Variants in GCNT1 observed in about 807,000 individuals in gnomAD.
The protein encoded by GCNT1 is beta-1,3-galactosyl-O-glycosyl-glycoprotein beta-1,6-N-acetylglucosaminyltransferase.
A neutral mutation model predicts 26.2 loss-of-function variants in GCNT1; 16 were observed. That is an observed-to-expected ratio of 0.61 (90% CI 0.41 to 0.93). The LOEUF is 0.93. GCNT1 is among the 40% of genes least tolerant of loss of function. The probability of loss-of-function intolerance (pLI) is 0.00; values close to 1 mark genes in which losing one functional copy is unlikely to be tolerated. For synonymous variants in GCNT1, 183 were observed against 190.8 expected (o/e 0.96, Z 0.34); for missense variants, 477 against 526.7 (o/e 0.91, Z 0.92).
upstream of GCNT1, among the ~76,000 whole-genome samples, chr9:76,419,441 G>A (rs189254906): frequency 9.2e-5 from 14 of 152,258 alleles, no homozygotes; most frequent in East Asian, 2.3e-3. Context: ...AGGCCAAGGC[G>A]GGAGAATCGC....
intron 1 of GCNT1, among the ~76,000 whole-genome samples, chr9:76,449,911 G>A (rs1480498101): frequency 1.3e-5 from 2 of 151,928 alleles, no homozygotes; most frequent in African/African-American, 4.8e-5. Flanking sequence ...AGCCTCCCAA[G>A]TAGCTAGAAT....
Position 76,502,730 on chromosome 9 carries a change from G to A in GCNT1, c.349G>A (p.Glu117Lys). 6.2e-7 allele frequency: 1 copy of A among 1,614,094 alleles called. No homozygotes were observed. Among genetic ancestry groups the A allele is most frequent in the Non-Finnish European group, 8.5e-7 (1 of 1,179,954 alleles). Residue 117 changes from glutamate to lysine, a missense_variant, in exon 4 of 4, where the codon GAA becomes AAA. Glu to Lys is a moderately conservative substitution (Grantham distance 56). Coordinates refer to ENST00000376730, the MANE Select transcript of GCNT1 (RefSeq NM_001490.5). ...RKYIVEPLSK[E>K]EAEFPIAYSI... ...ATATATTGTAGAACCCCTTAGTAAAGAAGAGGCGGAGTTTCCAATAGCATA... is the reference window on the plus strand; with the variant it reads ...ATATATTGTAGAACCCCTTAGTAAAAAAGAGGCGGAGTTTCCAATAGCATA...
chr9:76,485,103 T>C (rs1824537014), intron 2 of GCNT1, among the ~76,000 whole-genome samples: 1 of 152,148 alleles, frequency 6.6e-6, no homozygotes, highest in Non-Finnish European at 1.5e-5. Context: ...TCTTTTATTG[T>C]ACATACTTGT....
At chr9:76,423,464 TC>T (rs1328851423) in intron 1 of GCNT1, among the ~76,000 whole-genome samples, 44 of 152,230 alleles carry the variant, frequency 2.9e-4, no homozygotes, top group African/African-American at 9.9e-4. Flanking sequence ...ACCTTGAACT[TC>T]CTAGTCTTCA....
chr9:76,396,023 A>G, the GCNT1 span, among the ~76,000 whole-genome samples: 1 of 152,232 alleles, frequency 6.6e-6, no homozygotes, highest in Non-Finnish European at 1.5e-5. Flanking sequence ...AAAATAGTCA[A>G]TATGCAAGAA....
chr9:76,487,693 A>C (rs771840565), intron 2 of GCNT1, among the ~76,000 whole-genome samples: 2 of 151,426 alleles, frequency 1.3e-5, no homozygotes, highest in Non-Finnish European at 2.9e-5. Context: ...CTTCGGTTAG[A>C]TCTCCTTTCT....
intron 1 of GCNT1, among the ~76,000 whole-genome samples, chr9:76,453,086 G>T (rs185867115): frequency 2.0e-5 from 3 of 152,186 alleles, no homozygotes; most frequent in Admixed American, 2.0e-4. Context: ...CCCTTAGGCT[G>T]TGAGTATGTA....
intron 2 of GCNT1, among the ~76,000 whole-genome samples, chr9:76,475,330 C>T (rs1824227953): frequency 6.6e-6 from 1 of 152,122 alleles, no homozygotes. Flanking sequence ...GAAGAGGTTG[C>T]TCTGATGTGT....
chr9:76,480,014 C>T (rs1374362868), intron 2 of GCNT1, among the ~76,000 whole-genome samples: 1 of 152,134 alleles, frequency 6.6e-6, no homozygotes, highest in Non-Finnish European at 1.5e-5. Flanking sequence ...TTTAATCCAT[C>T]TTGAATTAAT....
chr9:76,462,323 T>C (rs1235746401), intron 2 of GCNT1, among the ~76,000 whole-genome samples: 1 of 152,230 alleles, frequency 6.6e-6, no homozygotes, highest in Non-Finnish European at 1.5e-5. Flanking sequence ...ACTGTCTGTA[T>C]TCTTGGCTTT....
intron 1 of GCNT1, among the ~76,000 whole-genome samples, chr9:76,426,959 T>C (rs1050581779): frequency 1.1e-4 from 16 of 152,144 alleles, no homozygotes; most frequent in East Asian, 3.9e-4. Context: ...ATGGGCTGAG[T>C]TGTGTCATCC....
At chr9:76,484,158 C>T (rs7862822) in intron 2 of GCNT1, among the ~76,000 whole-genome samples, 1 of 152,094 alleles carries the variant, frequency 6.6e-6, no homozygotes, top group African/African-American at 2.4e-5. Context: ...AGGCAGGAGG[C>T]TTGCTTGAGG....
At chr9:76,431,391 A>G (rs1026223529) in intron 1 of GCNT1, among the ~76,000 whole-genome samples, 1 of 152,180 alleles carries the variant, frequency 6.6e-6, no homozygotes, top group African/African-American at 2.4e-5. Context: ...GTAACTTGCT[A>G]GGACAACTCA....
the GCNT1 span, among the ~76,000 whole-genome samples, chr9:76,396,909 C>A: frequency 6.6e-6 from 1 of 152,120 alleles, no homozygotes; most frequent in African/African-American, 2.4e-5. Flanking sequence ...ATCGCCTGAG[C>A]CCCAGAATTT....
At chr9:76,452,446 C>T (rs1823685535) in intron 1 of GCNT1, among the ~76,000 whole-genome samples, 1 of 152,066 alleles carries the variant, frequency 6.6e-6, no homozygotes, top group Non-Finnish European at 1.5e-5. Context: ...TAAAGAACTA[C>T]CTGAGACTGG....
intron 2 of GCNT1, among the ~76,000 whole-genome samples, chr9:76,496,559 CCTGT>C (rs1379163661): frequency 1.3e-5 from 2 of 151,894 alleles, no homozygotes; most frequent in African/African-American, 2.4e-5. Flanking sequence ...TCAGCGGCAC[CCTGT>C]CTATCTGGTG....
rs74398829 is a variant in GCNT1 at position 76,449,194 on chromosome 9, G to A, written c.-290+6879G>A. On this transcript the variant is annotated intron_variant, in intron 1 of 2. Transcript: ENST00000442371. The stretch of plus-strand genomic sequence containing the variant: ...ACAAAATAAAATAAATTAGCGGGGC[G>A]GGGTAGTGTGTACCTGTAGTCCTAG... Among the ~76,000 whole-genome samples, 1,235 of 151,842 alleles carry A rather than the reference G, an allele frequency of 8.1e-3. 20 individuals are homozygous for A. Among genetic ancestry groups the A allele is most frequent in the African/African-American group, 0.028 (1,155 of 41,394 alleles).
intron 2 of GCNT1, among the ~76,000 whole-genome samples, chr9:76,498,713 C>T (rs1258881941): frequency 6.8e-6 from 1 of 147,170 alleles, no homozygotes; most frequent in Non-Finnish European, 1.5e-5. Flanking sequence ...CCAGAGGTTG[C>T]AGTGAACCAA....
intron 2 of GCNT1, among the ~76,000 whole-genome samples, chr9:76,494,134 C>T (rs549619067): frequency 3.3e-5 from 5 of 152,002 alleles, no homozygotes; most frequent in South Asian, 2.1e-4. Flanking sequence ...TTGCACTCAC[C>T]GACACAGCAG....
Sources: allele counts gnomAD v4.1 joint callset (sites outside exome capture counted in the v4.1 genomes callset), GRCh38; gene constraint gnomAD v4.1.1; transcripts MANE v1.5; gene names NCBI Gene and HGNC (gene_info 2026-07-23, HGNC 2026-07-21).